The following ALPK1 variants were observed in gnomAD, a reference collection of about 807,000 sequenced individuals.
ALPK1 encodes alpha kinase 1.
In ALPK1, 110 loss-of-function variants were observed where a neutral mutation model predicts 120.6. The ratio of observed to expected loss-of-function variants is 0.91; its 90% CI spans 0.78 to 1.07. The LOEUF is 1.07. Among genes scored for constraint, ALPK1 ranks in the 50% least tolerant of loss-of-function variants. The pLI is 0.00. For missense variants in ALPK1, 1,498 were observed against 1,483.9 expected (o/e 1.01, Z -0.16); for synonymous variants, 582 against 560.3 (o/e 1.04, Z -0.55).
chr4:112,340,243 A>C (rs906893115), intron 2 of ALPK1, among the ~76,000 whole-genome samples: 12 of 152,266 alleles, frequency 7.9e-5, no homozygotes, highest in African/African-American at 1.4e-4. Context: ...GCTGGATTTC[A>C]TGTAGAGCAG....
At chr4:112,325,983 C>T (rs190407762) in intron 2 of ALPK1, among the ~76,000 whole-genome samples, 1 of 152,302 alleles carries the variant, frequency 6.6e-6, no homozygotes, top group Non-Finnish European at 1.5e-5. Context: ...TCCCCTCACA[C>T]TCAAACTGGT....
intron 2 of ALPK1, among the ~76,000 whole-genome samples, chr4:112,316,887 C>T (rs957498989): frequency 2.0e-5 from 3 of 151,964 alleles, no homozygotes; most frequent in Non-Finnish European, 4.4e-5. Flanking sequence ...CAAGGAATGA[C>T]TCGCATTCCC....
chr4:112,314,917 G>A (rs1276075180), intron 1 of ALPK1, among the ~76,000 whole-genome samples: 1 of 120,238 alleles, frequency 8.3e-6, no homozygotes, highest in African/African-American at 3.3e-5. Flanking sequence ...GTCTCACTCT[G>A]TTGCCCAGGC....
rs574773465 is a variant in ALPK1, at chr4:112,391,141, G to A, written c.276+8589G>A. Among the ~76,000 whole-genome samples, 433 of 152,270 alleles carry A rather than the reference G, an allele frequency of 2.8e-3. 1 individual carries two copies. The highest frequency in any genetic ancestry group is 9.8e-3 in the African/African-American group (407 of 41,548). Reference sequence around the variant, plus strand: ...ATATACCTTCCCATGGAGATATTAGGCTAGGCCCTCACAACCTGTCTTAGT... The same window carrying A: ...ATATACCTTCCCATGGAGATATTAGACTAGGCCCTCACAACCTGTCTTAGT... On this transcript the variant is annotated intron_variant, in intron 4 of 15. Coordinates refer to ENST00000650871, the MANE Select transcript of ALPK1 (RefSeq NM_025144.4).
rs375093850 is a variant in ALPK1, at chr4:112,383,367, T to C, written c.276+815T>C. The stretch of plus-strand genomic sequence containing the variant: ...TGACAATATCCTAAAATTTTTACTT[T>C]ATTGCTTTACGTAAGATTGTATTTT... On this transcript the variant is annotated intron_variant, in intron 4 of 15. Transcript: ENST00000650871. The C allele has an allele frequency of 3.3e-5, 5 of 152,056 alleles. No homozygotes were observed. The East Asian group carries it at 9.6e-4, about 29-fold the overall frequency. The allele number at this position is 152,056 out of a possible 1,614,324, so 9.4% of individuals were successfully genotyped here. A position where few individuals can be genotyped will look rare whatever the true frequency, so the allele number is the denominator to read the frequency against.
intron 2 of ALPK1, among the ~76,000 whole-genome samples, chr4:112,337,002 T>G (rs1729648422): frequency 6.6e-6 from 1 of 152,152 alleles, no homozygotes; most frequent in Admixed American, 6.5e-5. Context: ...TTTTCATGTT[T>G]TAAAATTGGA....
chr4:112,389,700 C>A (rs1396388950), intron 4 of ALPK1, among the ~76,000 whole-genome samples: 1 of 152,160 alleles, frequency 6.6e-6, no homozygotes, highest in African/African-American at 2.4e-5. Flanking sequence ...GGCAGTGATG[C>A]CTTTACCTGA....
chr4:112,332,257 TG>T (rs1177704832), intron 2 of ALPK1, among the ~76,000 whole-genome samples: 1 of 152,210 alleles, frequency 6.6e-6, no homozygotes, highest in Non-Finnish European at 1.5e-5. Flanking sequence ...CCAGTTAATT[TG>T]CCTGTATAAT....
At chr4:112,419,874 T>C (rs1163244161) in intron 5 of ALPK1, among the ~76,000 whole-genome samples, 1 of 152,226 alleles carries the variant, frequency 6.6e-6, no homozygotes, top group Non-Finnish European at 1.5e-5. Context: ...ATTTGTGAAA[T>C]GAAGACAATA....
intron 2 of ALPK1, chr4:112,357,584 C>A (rs939228301): frequency 2.5e-5 from 39 of 1,537,946 alleles, no homozygotes; most frequent in African/African-American, 1.4e-4. Flanking sequence ...TCCTCCTTTG[C>A]CCTGGAGTTG....
At chr4:112,303,593 T>G (rs1727885460) in intron 1 of ALPK1, among the ~76,000 whole-genome samples, 1 of 152,220 alleles carries the variant, frequency 6.6e-6, no homozygotes, top group Non-Finnish European at 1.5e-5. Context: ...CCGTCTCTAG[T>G]CTGGGTGCAG....
chr4:112,418,692 A>C (rs1386689953), intron 5 of ALPK1, among the ~76,000 whole-genome samples: 1 of 152,184 alleles, frequency 6.6e-6, no homozygotes, highest in African/African-American at 2.4e-5. Context: ...CCCCATGATC[A>C]CAAAGCAGGT....
intron 2 of ALPK1, among the ~76,000 whole-genome samples, chr4:112,346,512 G>A (rs1730110494): frequency 1.3e-5 from 2 of 152,186 alleles, no homozygotes; most frequent in South Asian, 4.1e-4. Context: ...GATTCATTTG[G>A]ATAAGTGTTT....
intron 2 of ALPK1, among the ~76,000 whole-genome samples, chr4:112,347,670 C>A (rs905750383): frequency 6.6e-6 from 1 of 152,120 alleles, no homozygotes; most frequent in African/African-American, 2.4e-5. Flanking sequence ...TGGTAACCTT[C>A]CAAATACCAA....
intron 2 of ALPK1, among the ~76,000 whole-genome samples, chr4:112,325,185 T>C (rs1729058845): frequency 1.3e-5 from 2 of 152,204 alleles, no homozygotes; most frequent in South Asian, 4.1e-4. Flanking sequence ...TAATCTAAGG[T>C]AATGCACCTA....
chr4:112,344,163 C>A (rs1443549367), intron 2 of ALPK1, among the ~76,000 whole-genome samples: 1 of 152,198 alleles, frequency 6.6e-6, no homozygotes, highest in Non-Finnish European at 1.5e-5. Context: ...ACTGAAGTTT[C>A]TTCTTTTATA....
chr4:112,339,588 T>G (rs752445596), intron 2 of ALPK1, among the ~76,000 whole-genome samples: 7 of 152,144 alleles, frequency 4.6e-5, no homozygotes, highest in African/African-American at 1.7e-4. Flanking sequence ...GAATATAGAC[T>G]TCACTAATTT....
At chr4:112,382,296 T>C in intron 3 of ALPK1, 102 bp from the exon 4 acceptor site, 14 of 868,676 alleles carry the variant, frequency 1.6e-5, no homozygotes, top group East Asian at 9.3e-5. Flanking sequence ...TCTCTTTTTT[T>C]TTTTTTTTTT....
At chr4:112,352,986 T>G (rs1221250923) in intron 2 of ALPK1, 1 of 149,640 alleles carries the variant, frequency 6.7e-6, no homozygotes, top group African/African-American at 2.5e-5. Flanking sequence ...TTTTTTTTTT[T>G]TTGAGATAGG....
Sources: gnomAD v4.1 joint callset for allele counts (sites outside exome capture counted in the v4.1 genomes callset) on GRCh38, gnomAD v4.1.1 for gene constraint, MANE v1.5 for transcripts, NCBI Gene and HGNC (gene_info 2026-07-23, HGNC 2026-07-21) for gene names.